Variants in KIAA0408 observed in about 807,000 individuals in gnomAD.
KIAA0408 encodes uncharacterized protein KIAA0408.
A neutral mutation model predicts 60.9 loss-of-function variants in KIAA0408; 51 were observed. That is an observed-to-expected ratio of 0.84 (90% CI 0.67 to 1.06). The LOEUF is 1.06. KIAA0408 is among the 50% of genes least tolerant of loss of function. The pLI is 0.00. For synonymous variants in KIAA0408, 304 were observed against 282.4 expected (o/e 1.08, Z -0.77); for missense variants, 787 against 833.9 (o/e 0.94, Z 0.69).
Position 127,453,991 on chromosome 6 carries a change from G to GTT in KIAA0408, c.-11_-10insAA. The GTT allele has an allele frequency of 6.2e-7, 1 of 1,606,538 alleles. No individual in the cohort carries two copies. Among genetic ancestry groups the GTT allele is most frequent in the Non-Finnish European group, 8.5e-7 (1 of 1,176,420 alleles). On this transcript the variant is annotated 5_prime_UTR_variant, in exon 2 of 6. Coordinates refer to ENST00000483725, the MANE Select transcript of KIAA0408 (RefSeq NM_014702.5). ...GCTTATGTAGGTCCATGGCAACAGT[G>GTT]TAAGTGTCAGCAAAGAAGTGTTTCT... is the stretch of plus-strand genomic sequence containing the variant.
In KIAA0408 at chr6:127,446,882, A is replaced by G; in HGVS notation, c.1437T>C (p.Ser479=). The G allele has an allele frequency of 6.2e-7, 1 of 1,614,062 alleles. No individual in the cohort carries two copies. Among genetic ancestry groups the G allele is most frequent in the Non-Finnish European group, 8.5e-7 (1 of 1,179,956 alleles). Residue 479 remains serine, a synonymous_variant, in exon 5 of 6, where the codon TCT becomes TCC. Transcript: ENST00000483725. ...SEDLKPCDTS[S]THTGSISQSN... The stretch of plus-strand genomic sequence containing the variant: ...TTTGTGATATGCTACCTGTGTGAGT[A>G]GATGAGGTATCACAGGGCTTGAGAT...
At position 127,447,531 on chromosome 6, in the gene KIAA0408, T is replaced by A; in HGVS notation, c.788A>T (p.Glu263Val). 3.1e-6 allele frequency: 5 copies of A among 1,610,976 alleles called. No individual in the cohort carries two copies. Among genetic ancestry groups the A allele is most frequent in the Non-Finnish European group, 2.5e-6 (3 of 1,179,228 alleles). ...GIDTIDLKRN[E>V]TPPVPPPRST... ...TCTTGGAGGAGGAACTGGTGGAGTT[T>A]CATTTCTTTTTAAATCGATTGTATC... Residue 263 changes from glutamate (E) to valine (V), a missense_variant, in exon 5 of 6, where the codon GAA (glutamate) becomes GTA (valine). Coordinates refer to ENST00000483725, the MANE Select transcript of KIAA0408 (RefSeq NM_014702.5).
Position 127,444,182 on chromosome 6 carries a change from G to C in KIAA0408, c.2012C>G (p.Ser671Cys). 6.2e-7 allele frequency: 1 copy of C among 1,613,860 alleles called. No individual in the cohort carries two copies. The change falls in exon 6 of 6, where the codon TCT (serine) becomes TGT (cysteine). Residue 671 changes from serine to cysteine, a missense_variant. This residue lies in a region of KIAA0408 where 133 missense variants were observed against 119.2 expected (regional missense o/e 1.12). Transcript: ENST00000483725. ...LPSRWASRSP[S>C]APPALRRTTH... ...AGTTCTCCGCAAGGCAGGGGGTGCAGATGGAGATCTGGATGCCCATCTGGA... is the reference window on the plus strand; with the variant it reads ...AGTTCTCCGCAAGGCAGGGGGTGCACATGGAGATCTGGATGCCCATCTGGA...
intron 1 of KIAA0408, among the ~76,000 whole-genome samples, chr6:127,456,640 T>G (rs968242221): frequency 2.6e-5 from 4 of 152,184 alleles, no homozygotes; most frequent in African/African-American, 9.6e-5. Flanking sequence ...AAACAAGCCT[T>G]TGCAAGAACA....
At chr6:127,445,083 T>C (rs1417367454) in intron 5 of KIAA0408, among the ~76,000 whole-genome samples, 4 of 152,210 alleles carry the variant, frequency 2.6e-5, no homozygotes, top group Non-Finnish European at 5.9e-5. Context: ...AGCTAGGCAG[T>C]GAGGATGGCC....
Position 127,446,707 on chromosome 6 carries a change from G to C in KIAA0408, c.1612C>G (p.His538Asp), listed in dbSNP as rs1168723096. The C allele has an allele frequency of 6.2e-7, 1 of 1,613,876 alleles. No homozygotes were observed. ...LSPRSYRNML[H>D]EHDWRPSNLS... ...TTACTCGGTCTCCAGTCATGCTCGT[G>C]GAGCATATTTCGATAACTGCGAGGA... The change falls in exon 5 of 6, where the codon CAC (histidine) becomes GAC (aspartate). Residue 538 changes from histidine (H) to aspartate (D), a missense_variant. This residue lies in a region of KIAA0408 where 640 missense variants were observed against 681.3 expected (regional missense o/e 0.94). Coordinates refer to ENST00000483725, the MANE Select transcript of KIAA0408 (RefSeq NM_014702.5).
At chr6:127,445,653 T>C (rs1583065916) in intron 5 of KIAA0408, among the ~76,000 whole-genome samples, 1 of 152,214 alleles carries the variant, frequency 6.6e-6, no homozygotes, top group East Asian at 1.9e-4. Flanking sequence ...AAAAATTATA[T>C]GAGTAAAAGA....
At chr6:127,453,754 G>T in intron 2 of KIAA0408, 93 bp downstream of exon 2, 8 of 1,495,130 alleles carry the variant, frequency 5.4e-6, no homozygotes, top group Non-Finnish European at 7.2e-6. Context: ...GTCGAATAAG[G>T]AAATCAAAAA....
intron 1 of KIAA0408, among the ~76,000 whole-genome samples, chr6:127,455,571 G>T (rs1773377939): frequency 6.6e-6 from 1 of 152,020 alleles, no homozygotes; most frequent in African/African-American, 2.4e-5. Flanking sequence ...TATATGCAGG[G>T]TTCTACCTTC....
intron 4 of KIAA0408, 61 bp from the exon 5 acceptor site, chr6:127,447,801 G>C: frequency 6.9e-7 from 1 of 1,453,332 alleles, no homozygotes; most frequent in Non-Finnish European, 9.1e-7. Context: ...GCTCTCAAAA[G>C]CAAACATAGC....
Position 127,447,565 on chromosome 6 carries a change from A to AT in KIAA0408, c.753dup (p.Cys252MetfsTer4), listed in dbSNP as rs1773224040. 2.5e-6 allele frequency: 4 copies of AT among 1,610,812 alleles called. No homozygotes were observed. Among genetic ancestry groups the AT allele is most frequent in the South Asian group, 1.1e-5 (1 of 90,278 alleles). ...TTTAAATCGATTGTATCAATTCCAC[A>AT]TTTTTTCGTAGAATTGCTCTGGAGC... On this transcript the variant is annotated frameshift_variant, in exon 5 of 6. Coordinates refer to ENST00000483725, the MANE Select transcript of KIAA0408 (RefSeq NM_014702.5). LOFTEE classifies it high-confidence loss of function.
chr6:127,458,295 G>A (rs377466876), intron 1 of KIAA0408, among the ~76,000 whole-genome samples: 7 of 152,090 alleles, frequency 4.6e-5, no homozygotes, highest in African/African-American at 1.7e-4. Flanking sequence ...ACTTGCAATT[G>A]AATCTTTCCA....
At position 127,446,262 on chromosome 6, in the gene KIAA0408, A is replaced by T; in HGVS notation, c.1911+146T>A. ...ACACCTTCAAGGTTCATGTTGAGTT[A>T]TATTTATTTACAAACAGGGTCAAGA... On this transcript the variant is annotated intron_variant, in intron 5 of 5. Transcript: ENST00000483725. 3 of 1,387,748 alleles carry T rather than the reference A, an allele frequency of 2.2e-6. No individual in the cohort carries two copies. The South Asian group carries it at 4.4e-5, about 20-fold the overall frequency. The allele number at this position is 1,387,748 out of a possible 1,614,324, so 86.0% of individuals were successfully genotyped here. A position where few individuals can be genotyped will look rare whatever the true frequency, so the allele number is the denominator to read the frequency against.
intron 5 of KIAA0408, 35 bp downstream of exon 5, chr6:127,446,373 G>A: frequency 6.4e-7 from 1 of 1,574,096 alleles, no homozygotes; most frequent in Non-Finnish European, 8.6e-7. Context: ...TGCTAATATG[G>A]ATGCTACCAA....
At position 127,439,580 on chromosome 6, in the gene KIAA0408, T is replaced by C. The variant is rs1773071718; in HGVS notation, c.*4529A>G. 1 of 150,188 alleles carries C rather than the reference T, an allele frequency of 6.7e-6. No homozygotes were observed. The highest frequency in any genetic ancestry group is 2.4e-5 in the African/African-American group (1 of 40,888). The allele number at this position is 150,188 out of a possible 1,614,324, so 9.3% of individuals were successfully genotyped here. ...TAAACAATTTGTGTCATGTATAAAA[T>C]GAACAAAACAAAAATGAAAAAGAGC... On this transcript the variant is annotated 3_prime_UTR_variant, in exon 6 of 6. Coordinates refer to ENST00000483725, the MANE Select transcript of KIAA0408 (RefSeq NM_014702.5).
chr6:127,456,784 T>G (rs201531810), intron 1 of KIAA0408, among the ~76,000 whole-genome samples: 1 of 148,164 alleles, frequency 6.7e-6, no homozygotes, highest in African/African-American at 2.5e-5. Flanking sequence ...TATAAAGTGG[T>G]GGGGGGGGGG....
intron 1 of KIAA0408, among the ~76,000 whole-genome samples, chr6:127,455,001 A>T (rs1773368637): frequency 6.6e-6 from 1 of 152,078 alleles, no homozygotes; most frequent in Admixed American, 6.6e-5. Context: ...TTTGCATTAA[A>T]ATGGGGATAG....
rs1220166014 is a variant in KIAA0408 at position 127,451,815 on chromosome 6, G to A, written c.136-1463C>T. 2.0e-5 allele frequency among the ~76,000 whole-genome samples: 3 copies of A among 151,962 alleles called. No individual in the cohort carries two copies. The East Asian group carries it at 5.8e-4, about 29-fold the overall frequency. On this transcript the variant is annotated intron_variant, in intron 2 of 5. Coordinates refer to ENST00000483725, the MANE Select transcript of KIAA0408 (RefSeq NM_014702.5). ...CATCTTAAATTTTCTTGATTTAGGTGAGGTATGAATCAACAAATAACAATG... is the reference window on the plus strand; with the variant it reads ...CATCTTAAATTTTCTTGATTTAGGTAAGGTATGAATCAACAAATAACAATG...
chr6:127,457,542 A>T (rs1306237007), intron 1 of KIAA0408, among the ~76,000 whole-genome samples: 1 of 152,234 alleles, frequency 6.6e-6, no homozygotes, highest in Non-Finnish European at 1.5e-5. Flanking sequence ...GGACAGAGTG[A>T]GCTGCATTAC....
Sources: allele counts gnomAD v4.1 joint callset (sites outside exome capture counted in the v4.1 genomes callset), GRCh38; gene constraint gnomAD v4.1.1; regional missense constraint gnomAD v4.1.1; transcripts MANE v1.5; gene names NCBI Gene and HGNC (gene_info 2026-07-23, HGNC 2026-07-21).